The following ITGA7 variants were observed in gnomAD, a reference collection of about 807,000 sequenced individuals.
The protein encoded by ITGA7 is integrin alpha-7.
In ITGA7, 84 loss-of-function variants were observed where a neutral mutation model predicts 131.6. The ratio of observed to expected loss-of-function variants is 0.64; its 90% CI spans 0.54 to 0.77. ITGA7 has a LOEUF of 0.77. Ranked by LOEUF, ITGA7 falls within the 30% of genes least tolerant of loss-of-function variation. The pLI is 0.00. For synonymous variants in ITGA7, 548 were observed against 600.7 expected, an observed-to-expected ratio of 0.91 and a Z score of 1.28; for missense variants, 1,399 against 1,482.9, an observed-to-expected ratio of 0.94 and a Z score of 0.93.
In ITGA7 at chr12:55,698,698, C is replaced by T. The variant is rs761717101; in HGVS notation, c.998+12G>A. 2 of 1,614,020 alleles carry T rather than the reference C, an allele frequency of 1.2e-6. No homozygotes were observed. Among genetic ancestry groups the T allele is most frequent in the South Asian group, 1.1e-5 (1 of 91,080 alleles). On this transcript the variant is annotated intron_variant, in intron 6 of 24. Coordinates refer to ENST00000257879, the MANE Select transcript of ITGA7 (RefSeq NM_002206.3). The stretch of plus-strand genomic sequence containing the variant: ...AGCCTCCCTCAGGTGGCACGGCCCT[C>T]TACCCACTCACCCATCACTGTTGAG...
At chr12:55,695,353 C>CCAT in intron 14 of ITGA7, 169 bp downstream of exon 14, 1 of 631,176 alleles carries the variant, frequency 1.6e-6, no homozygotes, top group Non-Finnish European at 2.9e-6. Flanking sequence ...CCCCGTGGCC[C>CCAT]CATCACTGAC....
Position 55,698,390 on chromosome 12 carries a change from G to A in ITGA7, c.1185C>T (p.Gly395=). The change falls in exon 7 of 25, where the codon GGC becomes GGT. Residue 395 remains glycine (G), a synonymous_variant. Transcript: ENST00000257879. ...TCCAGTTCCCCGTCACACCTGGAAA[G>A]CCATCTTGGTTGAGGTCCCCCAGGA... ...LAVLGDLNQD[G]FPDIAVGAPF... is the part of the protein sequence containing the mutation. 1 of 1,612,168 alleles carries A rather than the reference G, an allele frequency of 6.2e-7. No homozygotes were observed. The highest frequency in any genetic ancestry group is 8.5e-7 in the Non-Finnish European group (1 of 1,179,150).
chr12:55,686,349 CAG>C, intron 24 of ITGA7: 1 of 1,233,556 alleles, frequency 8.1e-7, no homozygotes, highest in East Asian at 5.4e-5. Flanking sequence ...GCAGAGGAAG[CAG>C]AGGATGGAAA....
chr12:55,712,461 GTT>G (rs1209960021), upstream of ITGA7: 1 of 598,780 alleles, frequency 1.7e-6, no homozygotes, highest in East Asian at 2.8e-5. Context: ...TTCCAGCCCT[GTT>G]TGGCCCAGCC....
chr12:55,690,464 A>G (rs1405169410), intron 21 of ITGA7, among the ~76,000 whole-genome samples: 1 of 147,554 alleles, frequency 6.8e-6, no homozygotes, highest in Non-Finnish European at 1.5e-5. Flanking sequence ...TTAAAAAGTC[A>G]GGAAACAACA....
intron 24 of ITGA7, chr12:55,686,221 C>T: frequency 7.4e-7 from 1 of 1,350,460 alleles, no homozygotes. Flanking sequence ...CCTGGACCCC[C>T]AACTTCCATG....
chr12:55,706,950 C>T (rs1875325916), intron 1 of ITGA7, among the ~76,000 whole-genome samples: 1 of 152,254 alleles, frequency 6.6e-6, no homozygotes, highest in South Asian at 2.1e-4. Flanking sequence ...TCTTAAGCCA[C>T]AGAAGTGGAA....
chr12:55,704,844 G>C (rs1874839047), intron 1 of ITGA7, among the ~76,000 whole-genome samples: 1 of 152,076 alleles, frequency 6.6e-6, no homozygotes, highest in Admixed American at 6.5e-5. Flanking sequence ...GGGTACCCTG[G>C]GCAGAAAAGG....
intron 11 of ITGA7, 52 bp downstream of exon 11, chr12:55,697,164 C>T: frequency 6.4e-7 from 1 of 1,573,260 alleles, no homozygotes; most frequent in Non-Finnish European, 8.6e-7. Flanking sequence ...GAAGTGACCC[C>T]CCTCCCTGGG....
chr12:55,695,523 T>G lies in ITGA7; in HGVS notation c.2002A>C (p.Met668Leu). 3 of 1,099,240 alleles carry G rather than the reference T, an allele frequency of 2.7e-6. No homozygotes were observed. The highest frequency in any genetic ancestry group is 1.8e-5 in the Admixed American group (1 of 54,114). 68.1% of individuals were successfully genotyped at this position (1,099,240 alleles called of 1,614,324 possible). Residue 668 changes from methionine to leucine, a missense_variant and splice_region_variant, in exon 14 of 25, where the codon ATG (methionine) becomes CTG (leucine). By Grantham distance (15) the Met-to-Leu change is conservative. Transcript: ENST00000257879. ...VSDTEFQPLPMDVDGTTALFA... is the reference protein window; with the variant it reads ...VSDTEFQPLPLDVDGTTALFA... Reference sequence around the variant, plus strand: ...CACCCTGCTCTCTGCCCCCCTCACATGGGCAGAGGTTGGAATTCCGTGTCG... The same window carrying G: ...CACCCTGCTCTCTGCCCCCCTCACAGGGGCAGAGGTTGGAATTCCGTGTCG...
chr12:55,700,261 C>T (rs1873673559), intron 4 of ITGA7: 1 of 1,603,188 alleles, frequency 6.2e-7, no homozygotes, highest in Non-Finnish European at 8.5e-7. Flanking sequence ...GAGGTCCCTA[C>T]CAAAGTAGCT....
rs1365634538 is a variant in ITGA7, at chr12:55,707,746, GT to G, written c.-65del. On this transcript the variant is annotated 5_prime_UTR_variant, in exon 1 of 25. Transcript: ENST00000257879. ...AAATCTCGCACGCCCCAAGCCCCAG[GT>G]CCCCCCAGGCGCGTCTCTGGTCTCC... 1 of 1,549,520 alleles carries G rather than the reference GT, an allele frequency of 6.5e-7. No homozygotes were observed. Among genetic ancestry groups the G allele is most frequent in the East Asian group, 2.4e-5 (1 of 40,894 alleles).
chr12:55,697,338 C>G lies in ITGA7; in HGVS notation c.1506-61G>C. On this transcript the variant is annotated intron_variant, in intron 10 of 24. Coordinates refer to ENST00000257879, the MANE Select transcript of ITGA7 (RefSeq NM_002206.3). ...GCTGATGGGCCAAGGCCCCTACCCC[C>G]ACCCCATCTGTCACATCCTGTCACA... 4 of 1,576,692 alleles carry G rather than the reference C, an allele frequency of 2.5e-6. No homozygotes were observed. The South Asian group carries it at 4.5e-5, about 18-fold the overall frequency.
intron 10 of ITGA7, 36 bp from the exon 11 acceptor site, chr12:55,697,313 G>A (rs200558700): frequency 6.3e-7 from 1 of 1,585,772 alleles, no homozygotes. Flanking sequence ...GCCAAACGAG[G>A]CTGATGGGCC....
At position 55,694,966 on chromosome 12, in the gene ITGA7, C is replaced by T. The variant is rs1355375218; in HGVS notation, c.2008G>A (p.Val670Met). 1 of 1,613,256 alleles carries T rather than the reference C, an allele frequency of 6.2e-7. No homozygotes were observed. Among genetic ancestry groups the T allele is most frequent in the Non-Finnish European group, 8.5e-7 (1 of 1,179,974 alleles). The change falls in exon 15 of 25, where the codon GTG (valine) becomes ATG (methionine). Residue 670 changes from valine to methionine, a missense_variant. Transcript: ENST00000257879. The surrounding 1 kb of genome is among the most constrained non-coding windows in gnomAD (Gnocchi z 5.3). ...GCAAACAGGGCTGTTGTTCCATCCA[C>T]ATCCCTGGAGAGTCAGACCCCACTC... ...DTEFQPLPMD[V>M]DGTTALFALS...
At position 55,693,298 on chromosome 12, in the gene ITGA7, G is replaced by A. The variant is rs764412210; in HGVS notation, c.2555C>T (p.Ser852Leu). The A allele has an allele frequency of 2.4e-5, 38 of 1,613,906 alleles. No individual in the cohort carries two copies. The highest frequency in any genetic ancestry group is 4.4e-5 in the South Asian group (4 of 91,070). The change falls in exon 20 of 25, where the codon TCG (serine) becomes TTG (leucine). Residue 852 changes from serine to leucine, a missense_variant. Transcript: ENST00000257879. The part of the protein sequence containing the change: ...YEVTVSNQGQ[S>L]LRTLGSAFLN... ...GAAGGCAGAGCCCAGGGTTCTGAGC[G>A]ACTGGCCTTGGTTGGAAACCTGTGG...
Position 55,694,594 on chromosome 12 carries a change from G to A in ITGA7, c.2277+21C>T, listed in dbSNP as rs1872220723. The stretch of plus-strand genomic sequence containing the variant: ...CTTATGGAGAGGCTACTCACGTAGG[G>A]ATAAGGGCAGATGTGCCAACCTGGG... On this transcript the variant is annotated intron_variant, in intron 16 of 24. Coordinates refer to ENST00000257879, the MANE Select transcript of ITGA7 (RefSeq NM_002206.3). This position sits in a 1 kb window ranked among gnomAD's most constrained non-coding sequence, Gnocchi z 5.3. 6 of 1,613,480 alleles carry A rather than the reference G, an allele frequency of 3.7e-6. No homozygotes were observed. The East Asian group carries it at 8.9e-5, about 24-fold the overall frequency.
chr12:55,713,995 G>A (rs1354866411), upstream of ITGA7, among the ~76,000 whole-genome samples: 1 of 152,204 alleles, frequency 6.6e-6, no homozygotes, highest in Admixed American at 6.5e-5. Context: ...ATGAGAGAAT[G>A]CCAAAGCTGG....
chr12:55,708,003 G>T, upstream of ITGA7: 1 of 1,229,748 alleles, frequency 8.1e-7, no homozygotes, highest in Non-Finnish European at 1.0e-6. Flanking sequence ...CCGTCTCCAA[G>T]GGGATGCCCA....
Sources: allele counts gnomAD v4.1 joint callset (sites outside exome capture counted in the v4.1 genomes callset), GRCh38; gene constraint gnomAD v4.1.1; non-coding constraint Gnocchi (gnomAD v3.1); transcripts MANE v1.5; gene names NCBI Gene and HGNC (gene_info 2026-07-23, HGNC 2026-07-21).